The following CSMD3 variants were observed in gnomAD, a reference collection of about 807,000 sequenced individuals.
The protein encoded by CSMD3 is CUB and sushi domain-containing protein 3.
CSMD3 carries 177 observed loss-of-function variants against 435.2 expected under a neutral mutation model. The observed-to-expected ratio is 0.41, with a 90% confidence interval of 0.36 to 0.46. CSMD3 has a LOEUF of 0.46. Among genes scored for constraint, CSMD3 ranks in the 20% least tolerant of loss-of-function variants. The pLI is 0.34. For synonymous variants in CSMD3, 1,656 were observed against 1,520.5 expected (o/e 1.09, Z -2.07); for missense variants, 4,265 against 4,504.6 (o/e 0.95, Z 1.52).
intron 66 of CSMD3, among the ~76,000 whole-genome samples, chr8:112,239,802 A>G (rs1813947887): frequency 6.6e-6 from 1 of 151,802 alleles, no homozygotes; most frequent in Admixed American, 6.6e-5. Context: ...TTTACCAGAA[A>G]TTTTTCTACT....
Position 112,232,310 on chromosome 8 carries a change from T to C in CSMD3, c.10741-678A>G, listed in dbSNP as rs567314794. On this transcript the variant is annotated intron_variant, in intron 68 of 70. Transcript: ENST00000297405. ...AAGGCTGTGGAGTTTCTTTACAACA[T>C]GAAGAAAGTATTGTAGTCTAGGTGA... is the stretch of plus-strand genomic sequence containing the variant. Among the ~76,000 whole-genome samples, 66 of 152,256 alleles carry C rather than the reference T, an allele frequency of 4.3e-4. 1 individual carries two copies. Among genetic ancestry groups the C allele is most frequent in the Middle Eastern group, 3.4e-3 (1 of 294 alleles).
intron 35 of CSMD3, among the ~76,000 whole-genome samples, chr8:112,391,706 A>G (rs1331225927): frequency 2.0e-5 from 3 of 148,098 alleles, no homozygotes; most frequent in African/African-American, 7.3e-5. Flanking sequence ...AAAAAAAAAG[A>G]TGAAGCTGAG....
chr8:113,217,381 A>G (rs975063189), intron 3 of CSMD3, among the ~76,000 whole-genome samples: 3 of 151,706 alleles, frequency 2.0e-5, no homozygotes, highest in African/African-American at 7.2e-5. Context: ...TTCAACAGAA[A>G]CAAACCAAGA....
At chr8:112,682,730 G>T (rs1228924974) in intron 15 of CSMD3, 94 bp from the exon 16 acceptor site, 3 of 895,746 alleles carry the variant, frequency 3.3e-6, no homozygotes, top group African/African-American at 3.3e-5. Context: ...GAGAGAAAGA[G>T]ATATTTTAAA....
In CSMD3 at chr8:112,921,640, C is replaced by G. The variant is rs2130630166; in HGVS notation, c.1620G>C (p.Arg540Ser). 6.2e-7 allele frequency: 1 copy of G among 1,612,632 alleles called. No homozygotes were observed. The highest frequency in any genetic ancestry group is 8.5e-7 in the Non-Finnish European group (1 of 1,178,966). ...ATAAAACATTACCTTTACACACAGG[C>G]CTGTGATCACTCCAAGCAGCAAAAA... is the stretch of plus-strand genomic sequence containing the variant. ...AEVFAAWSDH[R>S]PVCKVKTCGS... The change falls in exon 10 of 71, where the codon AGG becomes AGC. Residue 540 changes from arginine (R) to serine (S), a missense_variant. Around this residue, in one of 3 missense-constraint regions of CSMD3, gnomAD observed 731 missense variants for 755.4 expected, o/e 0.97. Coordinates refer to ENST00000297405, the MANE Select transcript of CSMD3 (RefSeq NM_198123.2).
chr8:113,108,643 C>T, intron 4 of CSMD3, among the ~76,000 whole-genome samples: 1 of 151,940 alleles, frequency 6.6e-6, no homozygotes, highest in East Asian at 1.9e-4. Context: ...GTGAATTTAG[C>T]AGTACAACTA....
intron 67 of CSMD3, 45 bp from the exon 68 acceptor site, chr8:112,234,522 G>C (rs751647297): frequency 1.0e-6 from 1 of 983,066 alleles, no homozygotes; most frequent in Non-Finnish European, 1.6e-6. Flanking sequence ...TTTGTAAATA[G>C]TTATACTTCA....
intron 31 of CSMD3, among the ~76,000 whole-genome samples, chr8:112,486,740 C>T (rs1014843024): frequency 6.6e-6 from 1 of 152,158 alleles, no homozygotes; most frequent in Non-Finnish European, 1.5e-5. Context: ...CCTGATCTCT[C>T]TTCACAGCAA....
chr8:112,957,803 T>C (rs2084082845), intron 7 of CSMD3, among the ~76,000 whole-genome samples: 1 of 152,186 alleles, frequency 6.6e-6, no homozygotes, highest in East Asian at 1.9e-4. Flanking sequence ...TGGAGAGCAG[T>C]GGCGTGATCT....
chr8:113,151,840 T>C (rs1397973764), intron 4 of CSMD3, among the ~76,000 whole-genome samples: 1 of 152,076 alleles, frequency 6.6e-6, no homozygotes, highest in Non-Finnish European at 1.5e-5. Flanking sequence ...TATTAGAAGT[T>C]TTGATTATGC....
intron 1 of CSMD3, among the ~76,000 whole-genome samples, chr8:113,393,180 T>C (rs965590034): frequency 3.9e-5 from 6 of 152,002 alleles, no homozygotes; most frequent in African/African-American, 1.4e-4. Context: ...ACTTTATTAC[T>C]GTACACCATA....
intron 5 of CSMD3, among the ~76,000 whole-genome samples, chr8:113,082,281 G>C (rs73335935): frequency 6.6e-6 from 1 of 152,198 alleles, no homozygotes; most frequent in African/African-American, 2.4e-5. Context: ...GCATACCCCC[G>C]ATCAGCTTGT....
chr8:113,259,707 G>A (rs1183480309), intron 3 of CSMD3, among the ~76,000 whole-genome samples: 1 of 152,044 alleles, frequency 6.6e-6, no homozygotes, highest in Non-Finnish European at 1.5e-5. Flanking sequence ...CATCCTGGGA[G>A]GGAAAGCTAT....
At chr8:113,085,335 T>G (rs558471694) in intron 5 of CSMD3, among the ~76,000 whole-genome samples, 2 of 151,980 alleles carry the variant, frequency 1.3e-5, no homozygotes, top group African/African-American at 4.8e-5. Context: ...TTGGTGGGAA[T>G]GTAAATCACT....
chr8:113,085,973 C>T (rs2089753895), intron 5 of CSMD3, among the ~76,000 whole-genome samples: 1 of 152,018 alleles, frequency 6.6e-6, no homozygotes, highest in South Asian at 2.1e-4. Flanking sequence ...TGCAGTGGCT[C>T]ATGCCTGTAA....
intron 30 of CSMD3, among the ~76,000 whole-genome samples, chr8:112,498,019 CAGTG>C (rs1373904301): frequency 6.6e-6 from 1 of 152,008 alleles, no homozygotes; most frequent in Non-Finnish European, 1.5e-5. Context: ...TAGGTGAAGA[CAGTG>C]GGTGGGGAAG....
At chr8:113,116,637 C>G (rs907967915) in intron 4 of CSMD3, among the ~76,000 whole-genome samples, 3 of 152,104 alleles carry the variant, frequency 2.0e-5, no homozygotes, top group African/African-American at 7.2e-5. Flanking sequence ...ACTTGGAGGG[C>G]TCAGAAGAAG....
intron 4 of CSMD3, among the ~76,000 whole-genome samples, chr8:113,133,578 G>C (rs2091340450): frequency 6.6e-6 from 1 of 152,008 alleles, no homozygotes; most frequent in African/African-American, 2.4e-5. Context: ...CCCACTTGTG[G>C]GTTTATCTCC....
At chr8:112,802,794 C>T (rs1328482664) in intron 12 of CSMD3, among the ~76,000 whole-genome samples, 2 of 151,666 alleles carry the variant, frequency 1.3e-5, no homozygotes, top group African/African-American at 4.8e-5. Context: ...GAAATAGTAT[C>T]TGGATAGACC....
Sources: allele counts gnomAD v4.1 joint callset (sites outside exome capture counted in the v4.1 genomes callset), GRCh38; gene constraint gnomAD v4.1.1; regional missense constraint gnomAD v4.1.1; transcripts MANE v1.5; gene names NCBI Gene and HGNC (gene_info 2026-07-23, HGNC 2026-07-21).